Variants in GSTM2 observed in about 807,000 individuals in gnomAD.
GSTM2 encodes the protein GST class-mu 2.
GSTM2 carries 33 observed loss-of-function variants against 33.3 expected under a neutral mutation model. The ratio of observed to expected loss-of-function variants is 0.99; its 90% CI spans 0.75 to 1.33. The LOEUF (loss-of-function observed/expected upper bound fraction) is 1.33. Ranked by LOEUF, GSTM2 falls within the 40% of genes most tolerant of loss-of-function variation. The probability of loss-of-function intolerance (pLI) is 0.00; values close to 1 mark genes in which losing one functional copy is unlikely to be tolerated. For missense variants in GSTM2, 213 were observed against 265.8 expected, an observed-to-expected ratio of 0.80 and a Z score of 1.38; for synonymous variants, 93 against 95.6, an observed-to-expected ratio of 0.97 and a Z score of 0.16.
downstream of GSTM2, among the ~76,000 whole-genome samples, chr1:109,677,466 G>A (rs1421788662): frequency 1.3e-5 from 2 of 152,132 alleles, no homozygotes; most frequent in African/African-American, 4.8e-5. Context: ...TACTTACTCT[G>A]GTATAATGAA....
At chr1:109,671,441 G>A in intron 6 of GSTM2, 32 bp from the exon 7 acceptor site, 2 of 1,573,984 alleles carry the variant, frequency 1.3e-6, no homozygotes, top group South Asian at 1.1e-5. Context: ...TATTATGGAG[G>A]TTTCAGCCCA....
At chr1:109,680,308 G>A (rs924609448) in intron 7 of GSTM2, among the ~76,000 whole-genome samples, 4 of 150,398 alleles carry the variant, frequency 2.7e-5, no homozygotes, top group African/African-American at 9.8e-5. Context: ...ACACAAGTGG[G>A]TCACCATCAT....
chr1:109,668,545 T>G, intron 2 of GSTM2, 45 bp downstream of exon 2: 1 of 1,606,528 alleles, frequency 6.2e-7, no homozygotes, highest in Non-Finnish European at 8.5e-7. Flanking sequence ...CACACTAAGT[T>G]GGCACCAAGC....
At position 109,674,892 on chromosome 1, in the gene GSTM2, G is replaced by C; in HGVS notation, c.*56G>C. The C allele has an allele frequency of 2.5e-6, 4 of 1,607,272 alleles. No homozygotes were observed. The South Asian group carries it at 3.3e-5, about 13-fold the overall frequency. Reference sequence around the variant, plus strand: ...AGCCCATACTCAGCCTGCTGCCCAGGCTGTGCAGCGCAGCTGGACTCTGCA... The same window carrying C: ...AGCCCATACTCAGCCTGCTGCCCAGCCTGTGCAGCGCAGCTGGACTCTGCA... On this transcript the variant is annotated 3_prime_UTR_variant, in exon 8 of 8. Coordinates refer to ENST00000241337, the MANE Select transcript of GSTM2 (RefSeq NM_000848.4).
In GSTM2 at chr1:109,669,591, T is replaced by A; in HGVS notation, c.360+20T>A. ...GATTTTGTAAGTCCCCCCACCCCAC[T>A]CCCAGTCTCCCCTTCCCTACTCCCA... On this transcript the variant is annotated intron_variant, in intron 5 of 7. Transcript: ENST00000241337. 1 of 1,430,096 alleles carries A rather than the reference T, an allele frequency of 7.0e-7. No individual in the cohort carries two copies. The highest frequency in any genetic ancestry group is 9.8e-7 in the Non-Finnish European group (1 of 1,016,206). 88.6% of individuals were successfully genotyped at this position (1,430,096 alleles called of 1,614,324 possible). A position where few individuals can be genotyped will look rare whatever the true frequency, so the allele number is the denominator to read the frequency against.
downstream of GSTM2, among the ~76,000 whole-genome samples, chr1:109,678,043 C>T (rs71663099): frequency 2.7e-4 from 41 of 152,322 alleles, 1 homozygote; most frequent in East Asian, 3.5e-3. Context: ...TTAATGGTGT[C>T]ATTTCAAATT....
chr1:109,669,380 A>C lies in GSTM2; in HGVS notation c.259+9A>C. On this transcript the variant is annotated intron_variant, in intron 4 of 7. Coordinates refer to ENST00000241337, the MANE Select transcript of GSTM2 (RefSeq NM_000848.4). ...CCGCAAGCACAACCTGTGTGAGTAG[A>C]TTTGGTTGCAAGATGCGGGGAGGGA... 6.2e-7 allele frequency: 1 copy of C among 1,614,170 alleles called. No individual in the cohort carries two copies. The highest frequency in any genetic ancestry group is 8.5e-7 in the Non-Finnish European group (1 of 1,180,022).
intron 5 of GSTM2, 158 bp downstream of exon 5, chr1:109,669,729 C>G (rs1647463577): frequency 3.3e-6 from 2 of 601,044 alleles, no homozygotes; most frequent in South Asian, 2.1e-5. Context: ...TGTTACAGTT[C>G]TTAAAGATGG....
intron 7 of GSTM2, chr1:109,673,320 G>A: frequency 6.4e-7 from 1 of 1,564,574 alleles, no homozygotes; most frequent in Non-Finnish European, 8.7e-7. Flanking sequence ...GCCCCATCCT[G>A]GAAATGAGTG....
At chr1:109,677,812 T>G (rs1647741043), downstream of GSTM2, among the ~76,000 whole-genome samples, 1 of 152,182 alleles carries the variant, frequency 6.6e-6, no homozygotes, top group Non-Finnish European at 1.5e-5. Flanking sequence ...AAGCATGCAT[T>G]AAGGCCTGTG....
At chr1:109,678,482 C>T (rs1364970097), downstream of GSTM2, among the ~76,000 whole-genome samples, 1 of 152,142 alleles carries the variant, frequency 6.6e-6, no homozygotes, top group African/African-American at 2.4e-5. Flanking sequence ...CGCAGTGGCT[C>T]ATGAGTGTGA....
intron 5 of GSTM2, among the ~76,000 whole-genome samples, chr1:109,670,414 T>C (rs1299017070): frequency 6.6e-6 from 1 of 152,148 alleles, no homozygotes; most frequent in African/African-American, 2.4e-5. Flanking sequence ...TGTTTTCTGT[T>C]TGAACTCTTT....
intron 5 of GSTM2, chr1:109,670,612 C>G (rs570315907): frequency 6.6e-6 from 1 of 152,364 alleles, no homozygotes; most frequent in African/African-American, 2.4e-5. Flanking sequence ...CATCTCTGAC[C>G]CATGACCTGT....
downstream of GSTM2, among the ~76,000 whole-genome samples, chr1:109,675,636 C>T (rs1305135211): frequency 1.3e-5 from 2 of 152,170 alleles, no homozygotes; most frequent in African/African-American, 4.8e-5. Flanking sequence ...GTCCCTTTTA[C>T]CTTCTCCACT....
At position 109,668,513 on chromosome 1, in the gene GSTM2, T is replaced by C; in HGVS notation, c.112+13T>C. On this transcript the variant is annotated intron_variant, in intron 2 of 7. Coordinates refer to ENST00000241337, the MANE Select transcript of GSTM2 (RefSeq NM_000848.4). ...ACGATGGGGGACGGTAATGGCACCC[T>C]CGAGTCTGGGCCCTGCCCCCTCACA... is the stretch of plus-strand genomic sequence containing the variant. The C allele has an allele frequency of 1.2e-6, 2 of 1,613,476 alleles. No homozygotes were observed. Among genetic ancestry groups the C allele is most frequent in the South Asian group, 2.2e-5 (2 of 91,068 alleles).
chr1:109,669,334 C>T lies in GSTM2; in HGVS notation c.222C>T (p.Asn74=), dbSNP rs592792. 205,922 of 1,613,700 alleles carry T rather than the reference C, an allele frequency of 0.13. 14,267 individuals carry two copies. The highest frequency in any genetic ancestry group is 0.17 in the African/African-American group (12,583 of 74,932). The change falls in exon 4 of 8, where the codon AAC becomes AAT. Residue 74 remains asparagine, a synonymous_variant. Coordinates refer to ENST00000241337, the MANE Select transcript of GSTM2 (RefSeq NM_000848.4). ...GGACTCACAAGATCACCCAGAGCAA[C>T]GCCATCCTGCGGTACATTGCCCGCA... ...IDGTHKITQS[N]AILRYIARKH... is the part of the protein sequence containing the mutation.
rs141364640 is a variant in GSTM2 at position 109,671,574 on chromosome 1, C to T, written c.558C>T (p.Ser186=). The change falls in exon 7 of 8, where the codon TCC becomes TCT. Residue 186 remains serine, a synonymous_variant. Transcript: ENST00000241337. ...TCCCAAACCTGAAGGACTTCATCTC[C>T]CGATTTGAGGTGATGCCCCCAGCCT... ...DAFPNLKDFI[S]RFEGLEKISA... is the part of the protein sequence containing the mutation. The T allele has an allele frequency of 5.1e-6, 8 of 1,578,952 alleles. No individual in the cohort carries two copies. The highest frequency in any genetic ancestry group is 4.4e-6 in the Non-Finnish European group (5 of 1,147,872).
chr1:109,671,475 C>G lies in GSTM2; in HGVS notation c.459C>G (p.Ile153Met), dbSNP rs574231286. 5.0e-6 allele frequency: 8 copies of G among 1,605,642 alleles called. No individual in the cohort carries two copies. In the East Asian group the frequency reaches 1.6e-4, roughly 31 times the overall value. Residue 153 changes from isoleucine to methionine, a missense_variant and splice_region_variant, in exon 7 of 8, where the codon ATC (isoleucine) becomes ATG (methionine). Coordinates refer to ENST00000241337, the MANE Select transcript of GSTM2 (RefSeq NM_000848.4). ...GKQPWFLGDK[I>M]TFVDFIAYDV... ...CACATATCCTTGGCCTTATCCAGAT[C>G]ACCTTTGTGGATTTCATCGCTTATG...
chr1:109,676,929 A>T (rs761821796), downstream of GSTM2, among the ~76,000 whole-genome samples: 1 of 152,218 alleles, frequency 6.6e-6, no homozygotes, highest in Non-Finnish European at 1.5e-5. Context: ...TGGGTCATGT[A>T]TTCACGCAAG....
Sources: gnomAD v4.1 joint callset for allele counts (sites outside exome capture counted in the v4.1 genomes callset) on GRCh38, gnomAD v4.1.1 for gene constraint, MANE v1.5 for transcripts, NCBI Gene and HGNC (gene_info 2026-07-23, HGNC 2026-07-21) for gene names.